SAE1: variants seen among roughly 807,000 people sequenced by gnomAD.
SAE1 encodes SUMO1 activating enzyme subunit 1.
Under a neutral mutation model 40.6 loss-of-function variants are expected in SAE1, and 11 were observed. The observed-to-expected ratio is 0.27, with a 90% CI of 0.17 to 0.45. The LOEUF is 0.45. Among genes scored for constraint, SAE1 ranks in the 20% least tolerant of loss-of-function variants. SAE1 has a pLI of 1.00. For synonymous variants in SAE1, 155 were observed against 154.3 expected, an observed-to-expected ratio of 1.00 and a Z score of -0.03; for missense variants, 373 against 427.3, an observed-to-expected ratio of 0.87 and a Z score of 1.12.
intron 5 of SAE1, among the ~76,000 whole-genome samples, chr19:47,161,295 G>A (rs2058358631): frequency 6.6e-6 from 1 of 151,852 alleles, no homozygotes; most frequent in South Asian, 2.1e-4. Flanking sequence ...ATAGGCATGA[G>A]CCACCGTACC....
chr19:47,192,234 T>C (rs2058583255), intron 6 of SAE1, among the ~76,000 whole-genome samples: 1 of 151,344 alleles, frequency 6.6e-6, no homozygotes, highest in Non-Finnish European at 1.5e-5. Context: ...TTCCTACTGG[T>C]TTGTTGTTGT....
At chr19:47,203,932 A>G (rs2058669709) in intron 8 of SAE1, among the ~76,000 whole-genome samples, 192 bp downstream of exon 8, 1 of 152,078 alleles carries the variant, frequency 6.6e-6, no homozygotes, top group Admixed American at 6.6e-5. Context: ...ATGACCTTGG[A>G]GTGCCTGCTC....
intron 6 of SAE1, among the ~76,000 whole-genome samples, chr19:47,184,747 TC>T: frequency 6.6e-6 from 1 of 152,092 alleles, no homozygotes; most frequent in Non-Finnish European, 1.5e-5. Context: ...GAGAGCTCAG[TC>T]TGAATGTAGG....
At chr19:47,180,198 C>G (rs865977252) in intron 6 of SAE1, 1 of 456,274 alleles carries the variant, frequency 2.2e-6, no homozygotes, top group East Asian at 6.9e-5. Context: ...ATCCCAGAAG[C>G]ACTGAACGCA....
chr19:47,202,781 G>T (rs1255830800), intron 7 of SAE1, among the ~76,000 whole-genome samples: 1 of 151,974 alleles, frequency 6.6e-6, no homozygotes, highest in Non-Finnish European at 1.5e-5. Context: ...GTGGTGGCGG[G>T]TGCCTGTAGT....
At chr19:47,196,332 GCTTTTTTTTTTTTTT>G (rs2058615184) in intron 6 of SAE1, among the ~76,000 whole-genome samples, 5 of 76,324 alleles carry the variant, frequency 6.6e-5, no homozygotes, top group Middle Eastern at 0.011. Flanking sequence ...ACCGCGCCTG[GCTTTTTTTTTTTTTT>G]TTTTTTTTTT....
chr19:47,197,181 C>CAA (rs372707074), intron 6 of SAE1, 52 bp from the exon 7 acceptor site: 9,769 of 1,338,886 alleles, frequency 7.3e-3, no homozygotes, highest in East Asian at 8.6e-3. Context: ...CCTCCATCTC[C>CAA]AAAAAAAAAA....
chr19:47,184,660 C>G (rs1315344728), intron 6 of SAE1, among the ~76,000 whole-genome samples: 1 of 152,054 alleles, frequency 6.6e-6, no homozygotes, highest in African/African-American at 2.4e-5. Flanking sequence ...ATCCACCCAC[C>G]TCAGCCTCCC....
intron 6 of SAE1, among the ~76,000 whole-genome samples, chr19:47,178,347 C>T (rs1234108213): frequency 1.3e-5 from 2 of 152,164 alleles, no homozygotes; most frequent in African/African-American, 4.8e-5. Flanking sequence ...ATCCAGATAG[C>T]TAGGAGTGAC....
intron 5 of SAE1, among the ~76,000 whole-genome samples, chr19:47,163,247 C>G (rs1341814455): frequency 7.1e-6 from 1 of 140,302 alleles, no homozygotes; most frequent in Non-Finnish European, 1.5e-5. Context: ...GCTTGGAGTA[C>G]ATCCAAAAAA....
chr19:47,197,504 C>A (rs897140326), intron 7 of SAE1, 127 bp downstream of exon 7: 1 of 635,940 alleles, frequency 1.6e-6, no homozygotes, highest in Non-Finnish European at 2.6e-6. Context: ...CTGCTCGCTC[C>A]TGTAGACTTC....
intron 7 of SAE1, among the ~76,000 whole-genome samples, chr19:47,203,087 G>C (rs867299788): frequency 2.2e-4 from 34 of 152,136 alleles, no homozygotes; most frequent in African/African-American, 8.0e-4. Flanking sequence ...TAAGTGATTT[G>C]CTTACTAGGA....
At chr19:47,133,026 A>C (rs372241014) in intron 1 of SAE1, among the ~76,000 whole-genome samples, 4 of 152,186 alleles carry the variant, frequency 2.6e-5, no homozygotes, top group African/African-American at 9.7e-5. Flanking sequence ...TTATATGGGA[A>C]AGAGCCCTGT....
In SAE1 at chr19:47,206,376, A is replaced by G. The variant is rs563520008; in HGVS notation, c.948+2636A>G. ...AGCTGGCAGGCGGGGCCTGCAGTCC[A>G]AGGGCCTCAGACTCACCTTTCTCTC... On this transcript the variant is annotated intron_variant, in intron 8 of 8. Coordinates refer to ENST00000270225, the MANE Select transcript of SAE1 (RefSeq NM_005500.3). Among the ~76,000 whole-genome samples the G allele has an allele frequency of 3.3e-5, 5 of 152,300 alleles. No homozygotes were observed. In the East Asian group the frequency reaches 9.6e-4, roughly 29 times the overall value.
intron 5 of SAE1, among the ~76,000 whole-genome samples, chr19:47,169,309 G>A (rs114485014): frequency 0.01 from 1,525 of 152,074 alleles, 18 homozygotes; most frequent in African/African-American, 0.035. Context: ...GCAGTGACGC[G>A]ATCTTGGCTC....
intron 6 of SAE1, among the ~76,000 whole-genome samples, chr19:47,178,664 G>A (rs2058485442): frequency 6.6e-6 from 1 of 152,128 alleles, no homozygotes; most frequent in Admixed American, 6.6e-5. Flanking sequence ...GTGGAGACAG[G>A]GTTTCGCCAT....
At chr19:47,155,240 A>G (rs1218991759) in intron 5 of SAE1, 27 bp downstream of exon 5, 1 of 1,506,538 alleles carries the variant, frequency 6.6e-7, no homozygotes, top group African/African-American at 1.4e-5. Flanking sequence ...GGCAGAGGTC[A>G]GAAACCCTGG....
chr19:47,206,691 T>C (rs978742233), intron 8 of SAE1, among the ~76,000 whole-genome samples: 2 of 152,124 alleles, frequency 1.3e-5, no homozygotes, highest in Non-Finnish European at 2.9e-5. Context: ...GGTTTGAGGG[T>C]CTAAGAGTTC....
At chr19:47,140,909 C>T (rs1299071525) in intron 1 of SAE1, among the ~76,000 whole-genome samples, 1 of 152,016 alleles carries the variant, frequency 6.6e-6, no homozygotes, top group Non-Finnish European at 1.5e-5. Context: ...AGTGCAGCGG[C>T]ACAGTCTTGG....
Sources: allele counts gnomAD v4.1 joint callset (sites outside exome capture counted in the v4.1 genomes callset), GRCh38; gene constraint gnomAD v4.1.1; transcripts MANE v1.5; gene names NCBI Gene and HGNC (gene_info 2026-07-23, HGNC 2026-07-21).